The following ASTN1 variants were observed in gnomAD, a reference collection of about 807,000 sequenced individuals.
The protein encoded by ASTN1 is astrotactin-1.
A neutral mutation model predicts 140.7 loss-of-function variants in ASTN1; 41 were observed. That is an observed-to-expected ratio of 0.29 (90% CI 0.23 to 0.38). The LOEUF (loss-of-function observed/expected upper bound fraction) is 0.38, where lower values mean the gene tolerates loss of function less well. Ranked by LOEUF, ASTN1 falls within the 10% of genes least tolerant of loss-of-function variation. The probability of loss-of-function intolerance (pLI) is 1.00; values close to 1 mark genes in which losing one functional copy is unlikely to be tolerated. For missense variants in ASTN1, 1,479 were observed against 1,678.8 expected (o/e 0.88, Z 2.08); for synonymous variants, 640 against 652.2 (o/e 0.98, Z 0.29).
intron 1 of ASTN1, among the ~76,000 whole-genome samples, chr1:177,114,275 A>G (rs1439515709): frequency 6.6e-6 from 1 of 152,224 alleles, no homozygotes; most frequent in Non-Finnish European, 1.5e-5. Flanking sequence ...TTAAAAGAGA[A>G]TAATATATGT....
Position 177,029,713 on chromosome 1 carries a change from C to T in ASTN1, c.1041G>A (p.Gly347=). Residue 347 remains glycine, a synonymous_variant, in exon 5 of 23, where the codon GGG becomes GGA. Transcript: ENST00000361833. ...RAGSAFLNPE[G]DSGTEAENDP... The stretch of plus-strand genomic sequence containing the variant: ...CGTTTTCTGCCTCTGTGCCAGAATC[C>T]CCTTCAGGGTTCAAGAAGGCGGAAC... 1 of 1,613,124 alleles carries T rather than the reference C, an allele frequency of 6.2e-7. No individual in the cohort carries two copies. The highest frequency in any genetic ancestry group is 1.1e-5 in the South Asian group (1 of 90,716).
At chr1:176,927,103 C>T (rs2103081759) in intron 16 of ASTN1, among the ~76,000 whole-genome samples, 1 of 152,294 alleles carries the variant, frequency 6.6e-6, no homozygotes, top group South Asian at 2.1e-4. Context: ...CTCTGATTTA[C>T]CGCTGCTTAG....
intron 8 of ASTN1, among the ~76,000 whole-genome samples, chr1:176,993,612 G>C (rs192834273): frequency 1.3e-5 from 2 of 152,114 alleles, no homozygotes; most frequent in Non-Finnish European, 2.9e-5. Flanking sequence ...ATAGACACTT[G>C]AGTCACCTAA....
Position 177,074,762 on chromosome 1 carries a change from A to T in ASTN1, c.284-13497T>A, listed in dbSNP as rs549848439. On this transcript the variant is annotated intron_variant, in intron 1 of 22. Coordinates refer to ENST00000361833, the MANE Select transcript of ASTN1 (RefSeq NM_004319.3). ...CAGCACCAGGAATTTAACTATTTTTATCTGGTTGCCTGATTTGTGGTATTC... is the reference window on the plus strand; with the variant it reads ...CAGCACCAGGAATTTAACTATTTTTTTCTGGTTGCCTGATTTGTGGTATTC... Among the ~76,000 whole-genome samples the T allele has an allele frequency of 2.0e-5, 3 of 152,308 alleles. No individual in the cohort carries two copies. In the East Asian group the frequency reaches 5.8e-4, roughly 29 times the overall value.
At chr1:176,922,482 A>C (rs1242111890) in intron 16 of ASTN1, among the ~76,000 whole-genome samples, 1 of 147,304 alleles carries the variant, frequency 6.8e-6, no homozygotes, top group East Asian at 2.0e-4. Context: ...TCCTGAGGCC[A>C]GGAGTTTGAG....
In ASTN1 at chr1:176,905,203, G is replaced by A. The variant is rs764413489; in HGVS notation, c.2672-10373C>T. 2.6e-5 allele frequency among the ~76,000 whole-genome samples: 4 copies of A among 152,140 alleles called. No individual in the cohort carries two copies. In the East Asian group the frequency reaches 5.8e-4, roughly 22 times the overall value. On this transcript the variant is annotated intron_variant, in intron 16 of 22. Transcript: ENST00000361833. ...TGACAAACTGCCATTACTTGCCCCA[G>A]CTCCACAGTACAAACACTCAGCTGA... is the stretch of plus-strand genomic sequence containing the variant.
chr1:177,140,631 C>T (rs1682421808), intron 1 of ASTN1, among the ~76,000 whole-genome samples: 1 of 152,196 alleles, frequency 6.6e-6, no homozygotes, highest in Non-Finnish European at 1.5e-5. Flanking sequence ...CTGTAATTTG[C>T]AATCATTCCT....
At chr1:177,101,638 C>A (rs1038158836) in intron 1 of ASTN1, among the ~76,000 whole-genome samples, 1 of 152,110 alleles carries the variant, frequency 6.6e-6, no homozygotes, top group African/African-American at 2.4e-5. Context: ...GGCTTGCTAT[C>A]TTTGTTAAAA....
chr1:176,977,068 T>C (rs1170556649), intron 8 of ASTN1, among the ~76,000 whole-genome samples: 2 of 152,164 alleles, frequency 1.3e-5, no homozygotes, highest in African/African-American at 2.4e-5. Flanking sequence ...CAGTGAATAA[T>C]AAGGGACAGG....
At position 177,061,245 on chromosome 1, in the gene ASTN1, C is replaced by T. The variant is rs1418596187; in HGVS notation, c.304G>A (p.Asp102Asn). 1.9e-6 allele frequency: 3 copies of T among 1,567,184 alleles called. No homozygotes were observed. Among genetic ancestry groups the T allele is most frequent in the Non-Finnish European group, 2.6e-6 (3 of 1,155,822 alleles). Residue 102 changes from aspartate to asparagine, a missense_variant, in exon 2 of 23, where the codon GAT becomes AAT. Physicochemically the swap from Asp to Asn is conservative, Grantham distance 23. Coordinates refer to ENST00000361833, the MANE Select transcript of ASTN1 (RefSeq NM_004319.3). ...FVLEISGNTE[D>N]IPLVRWRQQW... ...TGCCTCCAGCGCACCAAAGGGATAT[C>T]CTCTGTGTTCCCTGAGATCTCTAGA... is the stretch of plus-strand genomic sequence containing the variant.
chr1:176,862,584 T>C lies in ASTN1; in HGVS notation c.*1700A>G, dbSNP rs1668004866. On this transcript the variant is annotated 3_prime_UTR_variant, in exon 23 of 23. Coordinates refer to ENST00000361833, the MANE Select transcript of ASTN1 (RefSeq NM_004319.3). ...ACAGAACTGGGTATCCCAGAGTAGC[T>C]AAGATCCTGTGCCCTGGAGACCAAC... is the stretch of plus-strand genomic sequence containing the variant. 6.1e-6 allele frequency: 6 copies of C among 985,102 alleles called. No individual in the cohort carries two copies. The South Asian group carries it at 2.3e-4, about 39-fold the overall frequency. The allele number at this position is 985,102 out of a possible 1,614,324, so 61.0% of individuals were successfully genotyped here.
Position 176,882,668 on chromosome 1 carries a change from T to A in ASTN1, c.3362+191A>T, listed in dbSNP as rs758400399. Among the ~76,000 whole-genome samples the A allele has an allele frequency of 8.0e-4, 121 of 152,196 alleles. 1 individual carries two copies. Among genetic ancestry groups the A allele is most frequent in the Non-Finnish European group, 2.5e-4 (17 of 68,042 alleles). On this transcript the variant is annotated intron_variant, in intron 20 of 22. Coordinates refer to ENST00000361833, the MANE Select transcript of ASTN1 (RefSeq NM_004319.3). The stretch of plus-strand genomic sequence containing the variant: ...CTCCTCAAGGGACAGGACCGTATTA[T>A]CTTTCTAGATCCCCCCATTCCAGTG...
intron 14 of ASTN1, among the ~76,000 whole-genome samples, chr1:176,942,531 G>T (rs937407362): frequency 6.6e-6 from 1 of 151,914 alleles, no homozygotes; most frequent in Admixed American, 6.6e-5. Flanking sequence ...GGTGTGAAAG[G>T]AAAATATCTT....
intron 8 of ASTN1, among the ~76,000 whole-genome samples, chr1:176,985,895 C>CAG (rs1466743755): frequency 5.1e-5 from 7 of 138,512 alleles, no homozygotes; most frequent in African/African-American, 2.0e-4. Context: ...CACACACACA[C>CAG]AGACAGCCTT....
chr1:177,088,851 C>A (rs1304789170), intron 1 of ASTN1, among the ~76,000 whole-genome samples: 3 of 152,012 alleles, frequency 2.0e-5, no homozygotes, highest in African/African-American at 7.3e-5. Context: ...CTTCTTTCCT[C>A]CCTTCCTTTT....
chr1:177,064,827 G>A (rs1329926546), intron 1 of ASTN1, among the ~76,000 whole-genome samples: 1 of 152,216 alleles, frequency 6.6e-6, no homozygotes, highest in East Asian at 1.9e-4. Flanking sequence ...GTGCTACAAT[G>A]CTAAACCAGG....
chr1:177,028,914 G>A (rs999188512), intron 5 of ASTN1, among the ~76,000 whole-genome samples: 5 of 152,198 alleles, frequency 3.3e-5, no homozygotes, highest in African/African-American at 4.8e-5. Context: ...GCTGACCGGC[G>A]CTTGTGCTCC....
chr1:176,998,190 C>T (rs1674544720), intron 8 of ASTN1, among the ~76,000 whole-genome samples: 1 of 152,128 alleles, frequency 6.6e-6, no homozygotes, highest in African/African-American at 2.4e-5. Context: ...AGTTATTGCA[C>T]CCCTCTGTAC....
intron 1 of ASTN1, among the ~76,000 whole-genome samples, chr1:177,094,868 C>T (rs1571774517): frequency 6.6e-6 from 1 of 152,230 alleles, no homozygotes; most frequent in Admixed American, 6.5e-5. Context: ...TACAGAAAGC[C>T]TTCATCTTCT....
Sources: gnomAD v4.1 joint callset for allele counts (sites outside exome capture counted in the v4.1 genomes callset) on GRCh38, gnomAD v4.1.1 for gene constraint, MANE v1.5 for transcripts, NCBI Gene and HGNC (gene_info 2026-07-23, HGNC 2026-07-21) for gene names.